Variants in HSD17B12 observed in about 807,000 individuals in gnomAD.
The protein encoded by HSD17B12 is very-long-chain 3-oxoacyl-CoA reductase.
Under a neutral mutation model 39.3 loss-of-function variants are expected in HSD17B12, and 32 were observed. The ratio of observed to expected loss-of-function variants is 0.81; its 90% CI spans 0.61 to 1.09. HSD17B12 has a LOEUF of 1.09. Among genes scored for constraint, HSD17B12 ranks in the 50% least tolerant of loss-of-function variants. The pLI is 0.00. For synonymous variants in HSD17B12, 150 were observed against 146.7 expected (o/e 1.02, Z -0.16); for missense variants, 342 against 382.9 (o/e 0.89, Z 0.89).
chr11:43,766,687 G>T (rs1012565265), intron 3 of HSD17B12, among the ~76,000 whole-genome samples: 5 of 152,178 alleles, frequency 3.3e-5, no homozygotes, highest in Non-Finnish European at 7.3e-5. Context: ...GGTTTAATGG[G>T]TGTGGGCACT....
chr11:43,764,104 A>G (rs1590279416), intron 3 of HSD17B12, among the ~76,000 whole-genome samples: 2 of 152,274 alleles, frequency 1.3e-5, no homozygotes, highest in South Asian at 4.1e-4. Context: ...AATTAAAGTT[A>G]TCAAACCAGT....
chr11:43,658,444 G>A, the HSD17B12 span, among the ~76,000 whole-genome samples: 8 of 152,268 alleles, frequency 5.3e-5, no homozygotes, highest in East Asian at 1.9e-4. Context: ...GAGGAGCTGC[G>A]TTTCTTTGGA....
intron 1 of HSD17B12, among the ~76,000 whole-genome samples, chr11:43,745,698 T>C (rs749862806): frequency 3.9e-5 from 6 of 152,156 alleles, no homozygotes; most frequent in Non-Finnish European, 1.5e-5. Flanking sequence ...TATCTAAATA[T>C]ATCCAAACAT....
intron 4 of HSD17B12, among the ~76,000 whole-genome samples, chr11:43,804,648 C>T (rs949400840): frequency 3.3e-5 from 5 of 152,148 alleles, no homozygotes; most frequent in Non-Finnish European, 5.9e-5. Flanking sequence ...CACCACTTTC[C>T]TCATTAAACC....
the HSD17B12 span, among the ~76,000 whole-genome samples, chr11:43,565,782 A>G: frequency 2.6e-5 from 4 of 152,240 alleles, no homozygotes; most frequent in Non-Finnish European, 5.9e-5. Context: ...TTAGAAAATG[A>G]AAAAGAGGTA....
intron 3 of HSD17B12, chr11:43,755,471 G>T (rs181733512): frequency 2.0e-5 from 3 of 152,342 alleles, no homozygotes; most frequent in Admixed American, 1.3e-4. Flanking sequence ...CTACACAGAG[G>T]ATTGGTGAAT....
intron 9 of HSD17B12, among the ~76,000 whole-genome samples, chr11:43,848,123 T>G (rs1951496068): frequency 6.6e-6 from 1 of 152,192 alleles, no homozygotes; most frequent in Non-Finnish European, 1.5e-5. Context: ...ATAGAGTGTG[T>G]CTTTTGTGCA....
chr11:43,669,568 G>A, the HSD17B12 span, among the ~76,000 whole-genome samples: 6 of 152,078 alleles, frequency 3.9e-5, no homozygotes, highest in Non-Finnish European at 5.9e-5. Flanking sequence ...AAATCAAGGT[G>A]TTGGGAAGGG....
At chr11:43,794,354 G>A (rs994897192) in intron 3 of HSD17B12, among the ~76,000 whole-genome samples, 3 of 152,138 alleles carry the variant, frequency 2.0e-5, no homozygotes, top group African/African-American at 7.2e-5. Context: ...AGAGCCCGGA[G>A]GGAATGCCAC....
At chr11:43,815,213 C>T (rs1425290511) in intron 4 of HSD17B12, among the ~76,000 whole-genome samples, 4 of 152,022 alleles carry the variant, frequency 2.6e-5, no homozygotes, top group African/African-American at 9.7e-5. Flanking sequence ...CTGTCAGTTG[C>T]TGGATGGTAG....
the HSD17B12 span, among the ~76,000 whole-genome samples, chr11:43,654,357 C>G: frequency 1.3e-5 from 2 of 152,272 alleles, no homozygotes; most frequent in African/African-American, 4.8e-5. Flanking sequence ...CCTGTTCACT[C>G]TGATGGTGGT....
intron 1 of HSD17B12, 31 bp from the exon 2 acceptor site, chr11:43,750,880 G>T: frequency 6.4e-7 from 1 of 1,551,798 alleles, no homozygotes; most frequent in African/African-American, 1.4e-5. Context: ...GTAATTCTTA[G>T]ACTAAACTAT....
At chr11:43,833,304 C>T (rs1258401392) in intron 7 of HSD17B12, 5 of 152,180 alleles carry the variant, frequency 3.3e-5, no homozygotes, top group African/African-American at 9.7e-5. Context: ...TCCCAAATCT[C>T]AGTGGCTTAA....
intron 4 of HSD17B12, among the ~76,000 whole-genome samples, chr11:43,813,481 A>T (rs1951092031): frequency 1.3e-5 from 2 of 152,282 alleles, no homozygotes; most frequent in African/African-American, 4.8e-5. Context: ...TGAATATTAC[A>T]ACTTGGCAAA....
intron 6 of HSD17B12, among the ~76,000 whole-genome samples, chr11:43,819,233 G>T (rs992607735): frequency 1.3e-5 from 2 of 151,986 alleles, no homozygotes; most frequent in Non-Finnish European, 2.9e-5. Flanking sequence ...CCTCCTGCTT[G>T]TCTACACTTA....
intron 9 of HSD17B12, among the ~76,000 whole-genome samples, chr11:43,850,905 T>C (rs3781805): frequency 0.63 from 95,452 of 151,908 alleles, 30,548 homozygotes; most frequent in East Asian, 0.71. Flanking sequence ...CTACTAAAAA[T>C]ACAAAATTAG....
At chr11:43,810,693 A>G (rs1332928827) in intron 4 of HSD17B12, among the ~76,000 whole-genome samples, 5 of 152,198 alleles carry the variant, frequency 3.3e-5, no homozygotes, top group South Asian at 2.1e-4. Flanking sequence ...TCAGAAACCA[A>G]TGGGAAAGAT....
intron 6 of HSD17B12, among the ~76,000 whole-genome samples, chr11:43,826,089 T>TC (rs1362909065): frequency 8.2e-4 from 123 of 149,482 alleles, no homozygotes; most frequent in Non-Finnish European, 1.0e-3. Context: ...TTCTTTTTTT[T>TC]TTTTTTTTTT....
intron 6 of HSD17B12, 88 bp from the exon 7 acceptor site, chr11:43,830,888 T>A (rs948259404): frequency 3.2e-5 from 33 of 1,047,086 alleles, no homozygotes; most frequent in Middle Eastern, 2.2e-4. Flanking sequence ...CATGATTCCC[T>A]TCTTTTTAGT....
Sources: gnomAD v4.1 joint callset for allele counts (sites outside exome capture counted in the v4.1 genomes callset) on GRCh38, gnomAD v4.1.1 for gene constraint, MANE v1.5 for transcripts, NCBI Gene and HGNC (gene_info 2026-07-23, HGNC 2026-07-21) for gene names.